ASIC2: variants seen among roughly 807,000 people sequenced by gnomAD.
ASIC2 encodes acid sensing ion channel subunit 2.
Under a neutral mutation model 57.3 loss-of-function variants are expected in ASIC2, and 25 were observed. The ratio of observed to expected loss-of-function variants is 0.44; its 90% CI spans 0.32 to 0.61. The LOEUF (loss-of-function observed/expected upper bound fraction) is 0.61, where lower values mean the gene tolerates loss of function less well. Among genes scored for constraint, ASIC2 ranks in the 20% least tolerant of loss-of-function variants. ASIC2 has a pLI of 0.06. For synonymous variants in ASIC2, 319 were observed against 307.5 expected (o/e 1.04, Z -0.39); for missense variants, 641 against 738.1 (o/e 0.87, Z 1.52).
At chr17:33,599,314 G>T (rs1905067358) in intron 1 of ASIC2, among the ~76,000 whole-genome samples, 1 of 152,168 alleles carries the variant, frequency 6.6e-6, no homozygotes, top group South Asian at 2.1e-4. Flanking sequence ...CTGAAGGTTG[G>T]GGAGGCCACA....
intron 1 of ASIC2, among the ~76,000 whole-genome samples, chr17:34,127,146 G>GCAA (rs941192775): frequency 6.0e-4 from 92 of 152,282 alleles, no homozygotes; most frequent in African/African-American, 2.1e-3. Flanking sequence ...AGTAAGAGGG[G>GCAA]GTTTGTTTTT....
intron 1 of ASIC2, among the ~76,000 whole-genome samples, chr17:33,737,272 A>T (rs570527971): frequency 6.6e-6 from 1 of 152,342 alleles, no homozygotes; most frequent in East Asian, 1.9e-4. Context: ...GTCTCATCAG[A>T]TTGTTTTCCA....
At chr17:33,526,201 CT>C (rs1489691547) in intron 1 of ASIC2, among the ~76,000 whole-genome samples, 1 of 152,126 alleles carries the variant, frequency 6.6e-6, no homozygotes, top group Non-Finnish European at 1.5e-5. Context: ...CCCAACCAGC[CT>C]TTTCTGGAGC....
At chr17:33,668,393 C>A (rs1204780087) in intron 1 of ASIC2, among the ~76,000 whole-genome samples, 1 of 147,550 alleles carries the variant, frequency 6.8e-6, no homozygotes, top group Non-Finnish European at 1.5e-5. Context: ...TCCATGCTTG[C>A]CTTTTCCAGC....
At chr17:33,971,559 GAAGC>G (rs1375576084) in intron 1 of ASIC2, among the ~76,000 whole-genome samples, 3 of 152,212 alleles carry the variant, frequency 2.0e-5, no homozygotes, top group Admixed American at 6.5e-5. Context: ...AGGTGGGGAA[GAAGC>G]AAGGGATGAC....
chr17:33,051,447 C>T (rs2091975715), intron 3 of ASIC2, among the ~76,000 whole-genome samples: 1 of 152,184 alleles, frequency 6.6e-6, no homozygotes, highest in South Asian at 2.1e-4. Context: ...TCACAATATT[C>T]ACAGCCCTGT....
chr17:33,046,844 A>T (rs1465472422), intron 3 of ASIC2, among the ~76,000 whole-genome samples: 1 of 152,244 alleles, frequency 6.6e-6, no homozygotes, highest in East Asian at 1.9e-4. Context: ...ACACTCCACC[A>T]GGGAGGCCGC....
In ASIC2 at chr17:33,164,115, G is replaced by A. The variant is rs576185460; in HGVS notation, c.709-52048C>T. Among the ~76,000 whole-genome samples, 46 of 152,234 alleles carry A rather than the reference G, an allele frequency of 3.0e-4. No individual in the cohort carries two copies. The South Asian group carries it at 4.8e-3, about 16-fold the overall frequency. On this transcript the variant is annotated intron_variant, in intron 1 of 9. Coordinates refer to ENST00000225823, the MANE Select transcript of ASIC2 (RefSeq NM_183377.2). ...CCATGCTGACACACTTTGCTGCTTC[G>A]CCTGGTCCTGGGTTCCAAATTCCTG...
chr17:33,258,709 C>G (rs2142141538), intron 1 of ASIC2, among the ~76,000 whole-genome samples: 1 of 152,196 alleles, frequency 6.6e-6, no homozygotes, highest in Non-Finnish European at 1.5e-5. Context: ...AGCCAGAAGT[C>G]AAGACATATA....
chr17:33,247,840 T>G (rs1908745056), intron 1 of ASIC2, among the ~76,000 whole-genome samples: 1 of 152,208 alleles, frequency 6.6e-6, no homozygotes, highest in South Asian at 2.1e-4. Flanking sequence ...GGTGCTGCTT[T>G]AGGTACTTGG....
chr17:33,445,345 T>C (rs1365470277), intron 1 of ASIC2, among the ~76,000 whole-genome samples: 1 of 152,120 alleles, frequency 6.6e-6, no homozygotes. Context: ...GCACAATAAT[T>C]GCTTGAACCT....
intron 1 of ASIC2, among the ~76,000 whole-genome samples, chr17:33,275,614 A>T (rs1904673154): frequency 6.6e-6 from 1 of 152,248 alleles, no homozygotes; most frequent in Admixed American, 6.5e-5. Context: ...TGGGATTTGG[A>T]ACTCTTTTGT....
At chr17:33,586,496 C>T (rs750024237) in intron 1 of ASIC2, among the ~76,000 whole-genome samples, 23 of 152,112 alleles carry the variant, frequency 1.5e-4, no homozygotes, top group African/African-American at 5.6e-4. Context: ...TTGCTCTTGG[C>T]GTAAAATCCA....
chr17:33,505,789 A>T (rs1325222552), intron 1 of ASIC2, among the ~76,000 whole-genome samples: 1 of 152,274 alleles, frequency 6.6e-6, no homozygotes, highest in East Asian at 1.9e-4. Flanking sequence ...CAACCTTGCT[A>T]TCCTAGTCCT....
intron 1 of ASIC2, among the ~76,000 whole-genome samples, chr17:33,587,402 C>T (rs1904673977): frequency 6.6e-6 from 1 of 152,234 alleles, no homozygotes; most frequent in Admixed American, 6.5e-5. Flanking sequence ...TTGTGCTCCT[C>T]TGTGCTGGAA....
intron 1 of ASIC2, among the ~76,000 whole-genome samples, chr17:33,711,434 G>T (rs1273181814): frequency 1.3e-5 from 2 of 152,160 alleles, no homozygotes; most frequent in Non-Finnish European, 2.9e-5. Flanking sequence ...CTCCATATGC[G>T]GTCAAAGGGT....
At chr17:33,600,088 A>G (rs1357100241) in intron 1 of ASIC2, among the ~76,000 whole-genome samples, 1 of 152,176 alleles carries the variant, frequency 6.6e-6, no homozygotes, top group South Asian at 2.1e-4. Context: ...ACTGCCTGTC[A>G]TCTTGTCTCT....
chr17:33,164,690 A>G (rs553690666), intron 1 of ASIC2, among the ~76,000 whole-genome samples: 1 of 152,286 alleles, frequency 6.6e-6, no homozygotes, highest in South Asian at 2.1e-4. Context: ...ATGTCCTGTA[A>G]TTGAGCCCTT....
intron 1 of ASIC2, among the ~76,000 whole-genome samples, chr17:33,395,210 A>T (rs1453370217): frequency 6.7e-6 from 1 of 149,668 alleles, no homozygotes; most frequent in African/African-American, 2.5e-5. Flanking sequence ...TCATCCATCC[A>T]TCCGTCCATC....
Sources: allele counts gnomAD v4.1 joint callset (sites outside exome capture counted in the v4.1 genomes callset), GRCh38; gene constraint gnomAD v4.1.1; transcripts MANE v1.5; gene names NCBI Gene and HGNC (gene_info 2026-07-23, HGNC 2026-07-21).